Variants in FMN2 observed in about 807,000 individuals in gnomAD.
The protein encoded by FMN2 is formin-2.
In FMN2, 51 loss-of-function variants were observed where a neutral mutation model predicts 142.3. The observed-to-expected ratio is 0.36, with a 90% confidence interval of 0.29 to 0.45. The LOEUF (loss-of-function observed/expected upper bound fraction) is 0.45. Ranked by LOEUF, FMN2 falls within the 20% of genes least tolerant of loss-of-function variation. The pLI is 1.00. For missense variants in FMN2, 1,936 were observed against 2,122.8 expected (o/e 0.91, Z 1.73); for synonymous variants, 882 against 869.8 (o/e 1.01, Z -0.25).
intron 2 of FMN2, chr1:240,171,148 A>G (rs531435132): frequency 2.8e-6 from 3 of 1,059,086 alleles, no homozygotes; most frequent in African/African-American, 1.6e-5. Flanking sequence ...GAGTGTAGAA[A>G]GTGTCCCAAA....
chr1:240,170,770 G>C, intron 2 of FMN2: 2 of 1,239,932 alleles, frequency 1.6e-6, no homozygotes, highest in Non-Finnish European at 2.4e-6. Context: ...CTTTGGCCTG[G>C]GAGGAGTTGG....
chr1:240,348,067 A>T (rs1377197501), intron 13 of FMN2, among the ~76,000 whole-genome samples: 1 of 152,168 alleles, frequency 6.6e-6, no homozygotes, highest in Non-Finnish European at 1.5e-5. Context: ...TATACGCAGT[A>T]ATTGGATTGC....
intron 15 of FMN2, among the ~76,000 whole-genome samples, chr1:240,398,883 T>A (rs1673879021): frequency 6.6e-6 from 1 of 152,230 alleles, no homozygotes; most frequent in South Asian, 2.1e-4. Flanking sequence ...TCACATTATT[T>A]TTATAATCAG....
intron 15 of FMN2, among the ~76,000 whole-genome samples, chr1:240,396,098 C>G (rs1437541136): frequency 6.6e-6 from 1 of 152,124 alleles, no homozygotes; most frequent in African/African-American, 2.4e-5. Context: ...ATTGTTAACA[C>G]TTTTTAGTAA....
chr1:240,403,671 C>A (rs540105871), intron 15 of FMN2, among the ~76,000 whole-genome samples: 1 of 152,174 alleles, frequency 6.6e-6, no homozygotes, highest in South Asian at 2.1e-4. Context: ...AACTAATCTT[C>A]TGATGAGACC....
chr1:240,446,958 G>T (rs933565313), intron 16 of FMN2, among the ~76,000 whole-genome samples: 19 of 152,192 alleles, frequency 1.2e-4, no homozygotes, highest in African/African-American at 4.3e-4. Context: ...AAAAATGGAA[G>T]GTGTTTCTTC....
chr1:240,198,364 T>G (rs1189748442), intron 4 of FMN2, among the ~76,000 whole-genome samples: 2 of 152,214 alleles, frequency 1.3e-5, no homozygotes, highest in Non-Finnish European at 2.9e-5. Flanking sequence ...GCTCCCATTC[T>G]AAAGAGATGT....
intron 2 of FMN2, among the ~76,000 whole-genome samples, chr1:240,137,746 C>G (rs1052533909): frequency 2.0e-5 from 3 of 151,930 alleles, no homozygotes; most frequent in African/African-American, 7.3e-5. Flanking sequence ...TCGAGGATGC[C>G]CGGAGCCTGG....
At chr1:240,461,437 G>A (rs1343648061) in intron 16 of FMN2, among the ~76,000 whole-genome samples, 3 of 152,168 alleles carry the variant, frequency 2.0e-5, no homozygotes, top group Non-Finnish European at 1.5e-5. Flanking sequence ...TGAGCCAGGT[G>A]CCGTGCTGGG....
rs370282365 is a variant in FMN2 at position 240,415,158 on chromosome 1, T to C, written c.4910+22596T>C. Among the ~76,000 whole-genome samples, 3 of 152,318 alleles carry C rather than the reference T, an allele frequency of 2.0e-5. No individual in the cohort carries two copies. The South Asian group carries it at 6.2e-4, about 32-fold the overall frequency. On this transcript the variant is annotated intron_variant, in intron 15 of 17. Coordinates refer to ENST00000319653, the MANE Select transcript of FMN2 (RefSeq NM_020066.5). ...ACCCAAATGCCCATCAATGATAGAC[T>C]GGATAAAGAAAATGTGGCACATTTA...
At chr1:240,112,769 C>T (rs1354485857) in intron 1 of FMN2, among the ~76,000 whole-genome samples, 2 of 152,106 alleles carry the variant, frequency 1.3e-5, no homozygotes, top group Admixed American at 6.6e-5. Flanking sequence ...ATTGCACTTG[C>T]GTTTTCCTGA....
chr1:240,216,965 A>G (rs1461393419), intron 6 of FMN2, among the ~76,000 whole-genome samples: 1 of 151,966 alleles, frequency 6.6e-6, no homozygotes, highest in Non-Finnish European at 1.5e-5. Context: ...AAAAAAAGTT[A>G]TAAAAATGTG....
intron 8 of FMN2, among the ~76,000 whole-genome samples, chr1:240,308,407 CT>C (rs1670488404): frequency 1.3e-5 from 2 of 152,282 alleles, no homozygotes; most frequent in Middle Eastern, 6.8e-3. Context: ...TGTTTCAAAG[CT>C]TGTCCAACTC....
At chr1:240,191,346 C>T (rs553449940) in intron 4 of FMN2, among the ~76,000 whole-genome samples, 2 of 152,300 alleles carry the variant, frequency 1.3e-5, no homozygotes, top group Admixed American at 1.3e-4. Context: ...TGTGGTGTTG[C>T]CAGAGAGTCT....
intron 15 of FMN2, among the ~76,000 whole-genome samples, chr1:240,400,218 C>T (rs1192996149): frequency 6.6e-6 from 1 of 152,102 alleles, no homozygotes; most frequent in South Asian, 2.1e-4. Flanking sequence ...TACTAGGCTG[C>T]ACCCACTAAT....
At chr1:240,204,936 GT>G (rs1666274156) in intron 4 of FMN2, among the ~76,000 whole-genome samples, 3 of 152,100 alleles carry the variant, frequency 2.0e-5, no homozygotes, top group Admixed American at 6.5e-5. Flanking sequence ...TAAAGAAGAT[GT>G]TTGCTTTTCA....
At chr1:240,286,459 G>T (rs4659954) in intron 7 of FMN2, among the ~76,000 whole-genome samples, 1 of 151,894 alleles carries the variant, frequency 6.6e-6, no homozygotes. Flanking sequence ...ACCCTCAGTT[G>T]GACAAGTGCC....
At chr1:240,431,753 G>A (rs1451431750) in intron 15 of FMN2, among the ~76,000 whole-genome samples, 7 of 151,294 alleles carry the variant, frequency 4.6e-5, no homozygotes, top group African/African-American at 7.3e-5. Flanking sequence ...TTCTATAAAT[G>A]TGGCAAATTA....
rs901380920 is a variant in FMN2 at position 240,208,861 on chromosome 1, C to T, written c.3920+129C>T. 7.5e-6 allele frequency: 9 copies of T among 1,197,094 alleles called. No individual in the cohort carries two copies. In the African/African-American group the frequency reaches 9.1e-5, roughly 12 times the overall value. 74.2% of individuals were successfully genotyped at this position (1,197,094 alleles called of 1,614,324 possible). A position where few individuals can be genotyped will look rare whatever the true frequency, so the allele number is the denominator to read the frequency against. On this transcript the variant is annotated intron_variant, in intron 5 of 17. Transcript: ENST00000319653. The stretch of plus-strand genomic sequence containing the variant: ...ACTCTAAAACTCGTCTAGATTTTTA[C>T]ATCAATATATAGTGCAGCAGTTTGC...
Sources: allele counts gnomAD v4.1 joint callset (sites outside exome capture counted in the v4.1 genomes callset), GRCh38; gene constraint gnomAD v4.1.1; transcripts MANE v1.5; gene names NCBI Gene and HGNC (gene_info 2026-07-23, HGNC 2026-07-21).